The following EPM2A variants were observed in gnomAD, a reference collection of about 807,000 sequenced individuals.
EPM2A encodes the protein EPM2A glucan phosphatase, laforin.
Under a neutral mutation model 26.5 loss-of-function variants are expected in EPM2A, and 21 were observed. The observed-to-expected ratio is 0.79, with a 90% CI of 0.56 to 1.14. The LOEUF (loss-of-function observed/expected upper bound fraction) is 1.14, where lower values mean the gene tolerates loss of function less well. EPM2A is among the 50% of genes most tolerant of loss of function. The pLI is 0.00. For synonymous variants in EPM2A, 217 were observed against 177.6 expected (o/e 1.22, Z -1.76); for missense variants, 458 against 440.8 (o/e 1.04, Z -0.35).
At chr6:145,567,501 A>T (rs1212482330) in intron 2 of EPM2A, among the ~76,000 whole-genome samples, 1 of 152,188 alleles carries the variant, frequency 6.6e-6, no homozygotes, top group African/African-American at 2.4e-5. Flanking sequence ...GCTAAAAGCA[A>T]TTTGGCAGAG....
intron 2 of EPM2A, among the ~76,000 whole-genome samples, chr6:145,604,803 T>C (rs1168932907): frequency 1.3e-5 from 2 of 152,174 alleles, no homozygotes; most frequent in Non-Finnish European, 2.9e-5. Context: ...GCTGCTGTAT[T>C]TTCTTCTCAC....
intron 4 of EPM2A, among the ~76,000 whole-genome samples, chr6:145,407,761 G>A (rs1778588988): frequency 6.6e-6 from 1 of 152,092 alleles, no homozygotes; most frequent in Non-Finnish European, 1.5e-5. Flanking sequence ...ATCAGACATA[G>A]GGAAAGGCTA....
At chr6:145,544,845 G>A (rs1349079270) in intron 2 of EPM2A, among the ~76,000 whole-genome samples, 3 of 151,884 alleles carry the variant, frequency 2.0e-5, no homozygotes, top group African/African-American at 7.2e-5. Flanking sequence ...TGGGTTCCCA[G>A]GGTAGGACCC....
chr6:145,626,086 T>G lies in EPM2A; in HGVS notation c.*1330A>C. ...GATATTGTGAAGATTAAACTGGATA[T>G]GATTATATATCACCTTGCACATAGA... On this transcript the variant is annotated 3_prime_UTR_variant, in exon 4 of 4. Transcript: ENST00000367519. The G allele has an allele frequency of 9.0e-7, 1 of 1,111,572 alleles. No homozygotes were observed. Among genetic ancestry groups the G allele is most frequent in the Non-Finnish European group, 1.1e-6 (1 of 904,492 alleles). The allele number at this position is 1,111,572 out of a possible 1,614,324, so 68.9% of individuals were successfully genotyped here.
chr6:145,488,917 G>A lies in EPM2A; in HGVS notation c.555+13605C>T, dbSNP rs1228570532. On this transcript the variant is annotated intron_variant, in intron 4 of 4. Transcript: ENST00000638717. The stretch of plus-strand genomic sequence containing the variant: ...ACCGAACTTAAGCGAAAAATAACTC[G>A]TGGTTGTTATTATAGGCAAAAATAT... 2.6e-5 allele frequency among the ~76,000 whole-genome samples: 4 copies of A among 152,070 alleles called. 1 individual carries two copies. Among genetic ancestry groups the A allele is most frequent in the African/African-American group, 7.2e-5 (3 of 41,414 alleles).
At chr6:145,606,001 T>C (rs1169183457) in intron 2 of EPM2A, among the ~76,000 whole-genome samples, 3 of 152,160 alleles carry the variant, frequency 2.0e-5, no homozygotes, top group Non-Finnish European at 2.9e-5. Flanking sequence ...TCCTATAGCA[T>C]ATTTCTCCAA....
chr6:145,552,372 G>T (rs1780666733), intron 2 of EPM2A, among the ~76,000 whole-genome samples: 1 of 151,882 alleles, frequency 6.6e-6, no homozygotes, highest in African/African-American at 2.4e-5. Context: ...TAACCTACAA[G>T]GGAATGACAA....
At chr6:145,486,281 A>T (rs909613615) in intron 4 of EPM2A, among the ~76,000 whole-genome samples, 1 of 152,174 alleles carries the variant, frequency 6.6e-6, no homozygotes, top group Non-Finnish European at 1.5e-5. Flanking sequence ...GGTGCTAAGG[A>T]TACTCACCTC....
intron 4 of EPM2A, chr6:145,490,428 A>G (rs1416837814): frequency 7.8e-6 from 6 of 764,722 alleles, no homozygotes; most frequent in Non-Finnish European, 1.4e-5. Flanking sequence ...CAAATCTTTC[A>G]TGACAATTTG....
chr6:145,734,023 G>C (rs1313371213), intron 1 of EPM2A, among the ~76,000 whole-genome samples: 2 of 151,310 alleles, frequency 1.3e-5, no homozygotes, highest in Non-Finnish European at 2.9e-5. Flanking sequence ...CACCCTTTTA[G>C]GGCATAATTT....
In EPM2A at chr6:145,460,816, A is replaced by G. The variant is rs547117299; in HGVS notation, c.555+41706T>C. 7.9e-5 allele frequency among the ~76,000 whole-genome samples: 12 copies of G among 152,350 alleles called. No homozygotes were observed. The South Asian group carries it at 2.3e-3, about 29-fold the overall frequency. Reference sequence around the variant, plus strand: ...AACTAAGAGAAGGAATATTCTCCTTAACAAATCCCCAATGTAATCAGTTTT... The same window carrying G: ...AACTAAGAGAAGGAATATTCTCCTTGACAAATCCCCAATGTAATCAGTTTT... On this transcript the variant is annotated intron_variant, in intron 4 of 4. Transcript: ENST00000638717.
At chr6:145,706,795 A>G (rs1306799503) in intron 1 of EPM2A, among the ~76,000 whole-genome samples, 1 of 152,220 alleles carries the variant, frequency 6.6e-6, no homozygotes, top group African/African-American at 2.4e-5. Context: ...GAATTATATA[A>G]TAAATATAAA....
chr6:145,414,568 A>C (rs1165307827), intron 4 of EPM2A, among the ~76,000 whole-genome samples: 1 of 152,124 alleles, frequency 6.6e-6, no homozygotes, highest in South Asian at 2.1e-4. Context: ...ACTTTGAAAT[A>C]TTAAGAGGAA....
intron 2 of EPM2A, among the ~76,000 whole-genome samples, chr6:145,570,143 G>T: frequency 6.6e-6 from 1 of 152,008 alleles, no homozygotes; most frequent in South Asian, 2.1e-4. Flanking sequence ...GCCTTTCCCC[G>T]CCCCTGACTC....
chr6:145,497,190 T>C (rs1779832488), downstream of EPM2A, among the ~76,000 whole-genome samples: 2 of 152,206 alleles, frequency 1.3e-5, no homozygotes, highest in African/African-American at 4.8e-5. Context: ...TTCTTTTGCA[T>C]ATTTGTGGGC....
At chr6:145,516,679 G>C (rs422540) in intron 2 of EPM2A, among the ~76,000 whole-genome samples, 43 of 151,906 alleles carry the variant, frequency 2.8e-4, no homozygotes, top group African/African-American at 1.0e-3. Context: ...TATGGCCAGA[G>C]AAATGAAAGC....
chr6:145,645,593 C>T (rs769492271), intron 2 of EPM2A, among the ~76,000 whole-genome samples: 27 of 152,046 alleles, frequency 1.8e-4, no homozygotes, highest in Non-Finnish European at 4.4e-5. Flanking sequence ...GGATAAGCCA[C>T]CATCCTGGCA....
chr6:145,731,165 G>C (rs943917074), intron 1 of EPM2A, among the ~76,000 whole-genome samples: 1 of 151,886 alleles, frequency 6.6e-6, no homozygotes, highest in Admixed American at 6.5e-5. Context: ...CAATGATAAC[G>C]ATCTTAAGCC....
At chr6:145,425,631 CAA>C (rs35954002) in intron 4 of EPM2A, among the ~76,000 whole-genome samples, 98,172 of 137,034 alleles carry the variant, frequency 0.72, 34,342 homozygotes, top group East Asian at 0.84. Context: ...TTGAGAATGG[CAA>C]AAAAAAAAAA....
Sources: allele counts gnomAD v4.1 joint callset (sites outside exome capture counted in the v4.1 genomes callset), GRCh38; gene constraint gnomAD v4.1.1; transcripts MANE v1.5; gene names NCBI Gene and HGNC (gene_info 2026-07-23, HGNC 2026-07-21).